Variants in DNAH11 observed in about 807,000 individuals in gnomAD.
DNAH11 encodes the protein axonemal beta dynein heavy chain 11.
In DNAH11, 442 loss-of-function variants were observed where a neutral mutation model predicts 526.0. That is an observed-to-expected ratio of 0.84 (90% CI 0.78 to 0.91). The LOEUF is 0.91. Among genes scored for constraint, DNAH11 ranks in the 40% least tolerant of loss-of-function variants. The probability of loss-of-function intolerance (pLI) is 0.00; values close to 1 mark genes in which losing one functional copy is unlikely to be tolerated. For missense variants in DNAH11, 6,989 were observed against 5,448.7 expected (o/e 1.28, Z -8.90); for synonymous variants, 2,461 against 1,935.9 (o/e 1.27, Z -7.12).
chr7:21,899,912 A>C, intron 80 of DNAH11, 68 bp from the exon 81 acceptor site: 1 of 1,563,544 alleles, frequency 6.4e-7, no homozygotes, highest in South Asian at 1.2e-5. Flanking sequence ...GCCTCAATTT[A>C]CTGGTAGCTC....
At position 21,862,043 on chromosome 7, in the gene DNAH11, G is replaced by C. The variant is rs1172769168; in HGVS notation, c.11373+20G>C. The C allele has an allele frequency of 1.9e-6, 3 of 1,593,632 alleles. No homozygotes were observed. The African/African-American group carries it at 4.1e-5, about 22-fold the overall frequency. ...TTTCAGGTAAGGAGATCAGTTACTTGAAAAAGGATCCCCAGAACCAAAGGC... is the reference window on the plus strand; with the variant it reads ...TTTCAGGTAAGGAGATCAGTTACTTCAAAAAGGATCCCCAGAACCAAAGGC... On this transcript the variant is annotated intron_variant, in intron 69 of 81. Coordinates refer to ENST00000409508, the MANE Select transcript of DNAH11 (RefSeq NM_001277115.2).
intron 36 of DNAH11, among the ~76,000 whole-genome samples, chr7:21,701,402 A>G (rs933365040): frequency 6.7e-6 from 1 of 149,696 alleles, no homozygotes; most frequent in African/African-American, 2.5e-5. Flanking sequence ...CGATCTTTCC[A>G]TCTCAGCCTC....
At chr7:21,826,761 C>T (rs139856850) in intron 65 of DNAH11, among the ~76,000 whole-genome samples, 106 of 152,308 alleles carry the variant, frequency 7.0e-4, no homozygotes, top group African/African-American at 2.5e-3. Flanking sequence ...TTTATCATGT[C>T]CTCAAACTCA....
intron 30 of DNAH11, among the ~76,000 whole-genome samples, chr7:21,676,250 T>A (rs940433): frequency 0.097 from 14,788 of 152,234 alleles, 757 homozygotes; most frequent in East Asian, 0.15. Flanking sequence ...CAAAGGGGCG[T>A]AGGTAGACTT....
chr7:21,675,989 G>T (rs1321541464), intron 30 of DNAH11, among the ~76,000 whole-genome samples: 1 of 152,180 alleles, frequency 6.6e-6, no homozygotes, highest in Non-Finnish European at 1.5e-5. Context: ...GGATTAGAGG[G>T]AAGATGACTC....
chr7:21,548,811 C>T (rs2128426739), intron 2 of DNAH11, among the ~76,000 whole-genome samples: 1 of 152,220 alleles, frequency 6.6e-6, no homozygotes, highest in African/African-American at 2.4e-5. Context: ...AGGAGTAGTT[C>T]ATATTCCCTA....
rs374946621 is a variant in DNAH11 at position 21,655,838 on chromosome 7, T to C, written c.4951T>C (p.Cys1651Arg). 1.4e-4 allele frequency: 232 copies of C among 1,612,642 alleles called. No homozygotes were observed. The highest frequency in any genetic ancestry group is 1.8e-4 in the Non-Finnish European group (214 of 1,179,266). The change falls in exon 29 of 82, where the codon TGT becomes CGT. Residue 1651 changes from cysteine to arginine, a missense_variant. Cys to Arg is a radical substitution (Grantham distance 180). Transcript: ENST00000409508. ...TCTAATATTCTCATTTTAGGTAACA[T>C]GTCACCTTGCCAAACTTTTCGACAG... ...SKGAQPKQVT[C>R]HLAKLFDSIA...
At chr7:21,637,568 G>C (rs868629059) in intron 26 of DNAH11, 43 bp from the exon 27 acceptor site, 2 of 1,230,256 alleles carry the variant, frequency 1.6e-6, no homozygotes, top group Admixed American at 4.0e-5. Context: ...GTTTAGAAAA[G>C]ATTGTTCTAA....
chr7:21,711,792 C>A lies in DNAH11; in HGVS notation c.6915C>A (p.Ser2305Arg). 2 of 1,613,868 alleles carry A rather than the reference C, an allele frequency of 1.2e-6. No homozygotes were observed. Among genetic ancestry groups the A allele is most frequent in the Non-Finnish European group, 1.7e-6 (2 of 1,179,824 alleles). Residue 2305 changes from serine to arginine, a missense_variant, in exon 42 of 82, where the codon AGC (serine) becomes AGA (arginine). Ser to Arg is a moderately radical substitution (Grantham distance 110). Transcript: ENST00000409508. ...RLLFEIHHLR[S>R]ATPATVSRAG... ...TGTTTGAGATACATCACTTAAGGAG[C>A]GCAACCCCGGCCACTGTTTCCAGAG...
chr7:21,793,303 A>G (rs1328701585), intron 61 of DNAH11, among the ~76,000 whole-genome samples: 2 of 152,138 alleles, frequency 1.3e-5, no homozygotes, highest in Non-Finnish European at 2.9e-5. Flanking sequence ...AGTTCTGGAG[A>G]ATGTTCCATG....
intron 2 of DNAH11, among the ~76,000 whole-genome samples, chr7:21,550,888 GAA>G (rs1448064801): frequency 6.6e-6 from 1 of 152,132 alleles, no homozygotes; most frequent in African/African-American, 2.4e-5. Context: ...GCATTTCTGT[GAA>G]ATCTGCTTGA....
intron 9 of DNAH11, among the ~76,000 whole-genome samples, chr7:21,587,836 G>A (rs1784528481): frequency 1.3e-5 from 2 of 152,114 alleles, no homozygotes; most frequent in South Asian, 2.1e-4. Context: ...ACAGACAGTG[G>A]TTCCTTTCTG....
chr7:21,623,358 CT>C (rs1786171744), intron 25 of DNAH11, among the ~76,000 whole-genome samples: 1 of 151,740 alleles, frequency 6.6e-6, no homozygotes, highest in Non-Finnish European at 1.5e-5. Context: ...CACTTTTACA[CT>C]GTTGGTGGGA....
At chr7:21,664,762 T>G (rs1022509895) in intron 30 of DNAH11, among the ~76,000 whole-genome samples, 1 of 152,058 alleles carries the variant, frequency 6.6e-6, no homozygotes, top group Non-Finnish European at 1.5e-5. Context: ...CCTCGGCCAG[T>G]TGTAGATTAA....
intron 75 of DNAH11, 126 bp downstream of exon 75, chr7:21,881,019 T>C (rs1194988090): frequency 1.2e-6 from 1 of 849,856 alleles, no homozygotes; most frequent in African/African-American, 1.8e-5. Context: ...ACTATGTATG[T>C]ATCTTCTGCC....
At chr7:21,635,774 A>G (rs1786833693) in intron 25 of DNAH11, 97 bp from the exon 26 acceptor site, 1 of 997,676 alleles carries the variant, frequency 1.0e-6, no homozygotes, top group Non-Finnish European at 1.4e-6. Context: ...TAGGTCTAAG[A>G]ATCCAGCAAT....
At chr7:21,732,606 C>G (rs912194285) in intron 45 of DNAH11, among the ~76,000 whole-genome samples, 2 of 152,136 alleles carry the variant, frequency 1.3e-5, no homozygotes, top group African/African-American at 4.8e-5. Flanking sequence ...GAGGAGGAGA[C>G]AATTCAACCC....
chr7:21,732,533 C>A (rs1450060827), intron 45 of DNAH11, among the ~76,000 whole-genome samples: 1 of 152,134 alleles, frequency 6.6e-6, no homozygotes, highest in Non-Finnish European at 1.5e-5. Context: ...TCTGCAGCAC[C>A]CCTATTCCCA....
chr7:21,790,045 C>G (rs529741637), intron 61 of DNAH11, among the ~76,000 whole-genome samples: 7 of 151,588 alleles, frequency 4.6e-5, no homozygotes, highest in African/African-American at 1.7e-4. Flanking sequence ...CATTCATTAG[C>G]TATTTTTCCT....
Sources: gnomAD v4.1 joint callset for allele counts (sites outside exome capture counted in the v4.1 genomes callset) on GRCh38, gnomAD v4.1.1 for gene constraint, MANE v1.5 for transcripts, NCBI Gene and HGNC (gene_info 2026-07-23, HGNC 2026-07-21) for gene names.